Variants in RARB observed in about 807,000 individuals in gnomAD.
The protein encoded by RARB is retinoic acid receptor beta, also known as HBV-activated protein.
Under a neutral mutation model 51.9 loss-of-function variants are expected in RARB, and 17 were observed. The ratio of observed to expected loss-of-function variants is 0.33; its 90% CI spans 0.22 to 0.49. The LOEUF (loss-of-function observed/expected upper bound fraction) is 0.49, where lower values mean the gene tolerates loss of function less well. Among genes scored for constraint, RARB ranks in the 20% least tolerant of loss-of-function variants. The pLI is 0.99. For missense variants in RARB, 369 were observed against 550.8 expected (o/e 0.67, Z 3.30); for synonymous variants, 215 against 195.4 (o/e 1.10, Z -0.84).
At chr3:25,080,957 G>T (rs1327442518) in intron 3 of RARB, among the ~76,000 whole-genome samples, 67 of 151,808 alleles carry the variant, frequency 4.4e-4, no homozygotes, top group Non-Finnish European at 2.2e-4. Flanking sequence ...TGATTTTGTT[G>T]ATGTTTCTGT....
At chr3:24,876,191 C>T (rs1418032233) in intron 2 of RARB, among the ~76,000 whole-genome samples, 1 of 152,118 alleles carries the variant, frequency 6.6e-6, no homozygotes, top group Admixed American at 6.5e-5. Context: ...TCTGAAGTTA[C>T]ATTTTTCTCA....
intron 3 of RARB, among the ~76,000 whole-genome samples, chr3:25,507,831 C>A (rs564005252): frequency 6.6e-6 from 1 of 152,012 alleles, no homozygotes; most frequent in Non-Finnish European, 1.5e-5. Flanking sequence ...AGTAGTATAC[C>A]CTGGATGCCC....
chr3:25,260,876 G>A lies in RARB; in HGVS notation c.178+86301G>A, dbSNP rs1301450676. Among the ~76,000 whole-genome samples the A allele has an allele frequency of 2.0e-5, 3 of 152,190 alleles. No homozygotes were observed. The Middle Eastern group carries it at 0.01, about 518-fold the overall frequency. On this transcript the variant is annotated intron_variant, in intron 5 of 11. Coordinates refer to the RARB transcript ENST00000383772. The stretch of plus-strand genomic sequence containing the variant: ...TGGCAGAACGTACTCATTGGCTCAC[G>A]TATGGAGAAAATTAAATAAAATAGG...
intron 4 of RARB, among the ~76,000 whole-genome samples, chr3:25,572,094 T>A (rs1700734976): frequency 6.6e-6 from 1 of 152,064 alleles, no homozygotes; most frequent in Non-Finnish European, 1.5e-5. Context: ...ACCTAAGAAA[T>A]GAGGGAACTC....
chr3:25,224,461 C>T (rs1702011315), intron 5 of RARB, among the ~76,000 whole-genome samples: 1 of 152,140 alleles, frequency 6.6e-6, no homozygotes, highest in Non-Finnish European at 1.5e-5. Flanking sequence ...CTCAAGTCTC[C>T]TGGAAATCAC....
chr3:24,996,797 C>T lies in RARB; in HGVS notation c.-379-63328C>T, dbSNP rs993522887. On this transcript the variant is annotated intron_variant, in intron 2 of 11. Transcript: ENST00000383772. ...CTTGTTGTTGATAATCTAGTTTTAT[C>T]CCATTGTGGTCAGATAAGATACTGG... 2.0e-5 allele frequency among the ~76,000 whole-genome samples: 3 copies of T among 151,936 alleles called. No homozygotes were observed. In the East Asian group the frequency reaches 5.8e-4, roughly 29 times the overall value.
At chr3:24,926,967 A>G (rs911545806) in intron 2 of RARB, among the ~76,000 whole-genome samples, 1 of 152,090 alleles carries the variant, frequency 6.6e-6, no homozygotes, top group Non-Finnish European at 1.5e-5. Flanking sequence ...AATAAGAGCC[A>G]TTAGGGCTGA....
intron 5 of RARB, among the ~76,000 whole-genome samples, chr3:25,335,217 G>A (rs1282332339): frequency 6.6e-6 from 1 of 152,150 alleles, no homozygotes; most frequent in African/African-American, 2.4e-5. Context: ...GCTTTGGTGT[G>A]TGGCACATAC....
chr3:25,345,327 T>C (rs1705356269), intron 5 of RARB, among the ~76,000 whole-genome samples: 1 of 152,174 alleles, frequency 6.6e-6, no homozygotes, highest in Admixed American at 6.5e-5. Flanking sequence ...CCTTTTCGGC[T>C]GTTGTGCCCA....
intron 2 of RARB, among the ~76,000 whole-genome samples, chr3:25,017,952 A>G (rs1697551097): frequency 6.6e-6 from 1 of 152,282 alleles, no homozygotes; most frequent in Middle Eastern, 3.4e-3. Flanking sequence ...CCATATGTGC[A>G]ATGGAAAAGG....
intron 2 of RARB, among the ~76,000 whole-genome samples, chr3:24,974,206 T>C (rs1696461334): frequency 6.6e-6 from 1 of 152,108 alleles, no homozygotes; most frequent in Non-Finnish European, 1.5e-5. Flanking sequence ...ATTGAAATAA[T>C]CATATGGTTT....
At chr3:24,905,558 T>C (rs994933335) in intron 2 of RARB, among the ~76,000 whole-genome samples, 1 of 152,182 alleles carries the variant, frequency 6.6e-6, no homozygotes, top group Non-Finnish European at 1.5e-5. Context: ...AGGTAGAGTT[T>C]TTGGACAAGC....
intron 4 of RARB, among the ~76,000 whole-genome samples, chr3:25,152,447 A>G (rs1700302558): frequency 6.6e-6 from 1 of 152,166 alleles, no homozygotes; most frequent in Admixed American, 6.5e-5. Flanking sequence ...CTGTGAGGGG[A>G]AAATGGTTAT....
intron 4 of RARB, among the ~76,000 whole-genome samples, chr3:25,134,856 C>A (rs1875061): frequency 6.6e-6 from 1 of 151,986 alleles, no homozygotes; most frequent in Non-Finnish European, 1.5e-5. Context: ...AATCGTGAAA[C>A]GAGCATCACA....
intron 2 of RARB, among the ~76,000 whole-genome samples, chr3:24,870,530 T>C (rs1702927095): frequency 6.6e-6 from 1 of 152,148 alleles, no homozygotes; most frequent in African/African-American, 2.4e-5. Flanking sequence ...ATACTAAGTC[T>C]TGATTTCTGG....
intron 5 of RARB, among the ~76,000 whole-genome samples, chr3:25,197,626 G>A (rs928479589): frequency 4.6e-5 from 7 of 151,838 alleles, no homozygotes; most frequent in African/African-American, 7.3e-5. Flanking sequence ...AATATCAGTA[G>A]CATTTCTATA....
intron 5 of RARB, among the ~76,000 whole-genome samples, chr3:25,359,592 G>T (rs1559370922): frequency 6.6e-6 from 1 of 152,054 alleles, no homozygotes; most frequent in Non-Finnish European, 1.5e-5. Flanking sequence ...GATCTTTCCT[G>T]CTTTCTTCTG....
At chr3:25,508,068 A>G (rs1166153093) in intron 3 of RARB, among the ~76,000 whole-genome samples, 2 of 152,186 alleles carry the variant, frequency 1.3e-5, no homozygotes, top group Non-Finnish European at 2.9e-5. Flanking sequence ...TGGGCAAAAC[A>G]TGTCTTTGAT....
At chr3:25,144,790 T>G (rs1010427225) in intron 4 of RARB, among the ~76,000 whole-genome samples, 2 of 152,226 alleles carry the variant, frequency 1.3e-5, no homozygotes, top group African/African-American at 4.8e-5. Context: ...GAGCATGTGA[T>G]CAGCCCGTAT....
Sources: gnomAD v4.1 joint callset for allele counts (sites outside exome capture counted in the v4.1 genomes callset) on GRCh38, gnomAD v4.1.1 for gene constraint, MANE v1.5 for transcripts, NCBI Gene and HGNC (gene_info 2026-07-23, HGNC 2026-07-21) for gene names.